The following AOPEP variants were observed in gnomAD, a reference collection of about 807,000 sequenced individuals.
The protein encoded by AOPEP is aminopeptidase O (putative), also known as aminopeptidase O.
A neutral mutation model predicts 98.1 loss-of-function variants in AOPEP; 77 were observed. The observed-to-expected ratio is 0.78, with a 90% CI of 0.65 to 0.95. AOPEP has a LOEUF of 0.95. Ranked by LOEUF, AOPEP falls within the 40% of genes least tolerant of loss-of-function variation. AOPEP has a pLI of 0.00. For missense variants in AOPEP, 1,024 were observed against 1,024.7 expected (o/e 1.00, Z 0.01); for synonymous variants, 346 against 365.3 (o/e 0.95, Z 0.60).
At chr9:95,123,448 C>T in the AOPEP span, 5 of 459,732 alleles carry the variant, frequency 1.1e-5, no homozygotes, top group South Asian at 4.7e-5. Context: ...GAGACCAGCC[C>T]GGGCAACATG....
intron 5 of AOPEP, chr9:94,904,104 A>C (rs1057050900): frequency 6.6e-6 from 1 of 152,116 alleles, no homozygotes; most frequent in Non-Finnish European, 1.5e-5. Context: ...CCTTTGCTGC[A>C]TCTGCATTTG....
intron 5 of AOPEP, among the ~76,000 whole-genome samples, chr9:94,911,899 A>G (rs1487957619): frequency 6.6e-6 from 1 of 152,144 alleles, no homozygotes; most frequent in African/African-American, 2.4e-5. Flanking sequence ...ACATCTTAGC[A>G]TACAGCTTGT....
At chr9:95,112,962 A>C in the AOPEP span, among the ~76,000 whole-genome samples, 1 of 152,210 alleles carries the variant, frequency 6.6e-6, no homozygotes, top group Non-Finnish European at 1.5e-5. Flanking sequence ...GGTAGAGAGA[A>C]GAGAAAAACA....
chr9:94,948,547 C>A (rs2057860662), intron 7 of AOPEP, among the ~76,000 whole-genome samples: 1 of 152,124 alleles, frequency 6.6e-6, no homozygotes. Context: ...CTACCTCCTT[C>A]AGCTTCTTTC....
the AOPEP span, chr9:95,107,153 A>G: frequency 1.2e-6 from 2 of 1,614,102 alleles, no homozygotes; most frequent in Admixed American, 1.7e-5. Flanking sequence ...GCTGTTGTGC[A>G]GGAGCTCTGA....
the AOPEP span, chr9:95,111,381 C>T: frequency 3.1e-6 from 5 of 1,597,554 alleles, no homozygotes; most frequent in African/African-American, 1.3e-5. Flanking sequence ...GAAGCCAAGC[C>T]CACAACAGAG....
chr9:94,956,025 G>T lies in AOPEP; in HGVS notation c.1872+10G>T. ...GCTGATTCTTTCCCAGGTAACTTAT[G>T]GGTCCTCATGAGTCCATGATGTATG... On this transcript the variant is annotated intron_variant, in intron 9 of 16. Coordinates refer to ENST00000375315, the MANE Select transcript of AOPEP (RefSeq NM_001193329.3). The T allele has an allele frequency of 6.5e-7, 1 of 1,534,344 alleles. No individual in the cohort carries two copies. The highest frequency in any genetic ancestry group is 1.1e-5 in the South Asian group (1 of 89,144).
At chr9:94,931,927 A>G (rs760266532) in intron 7 of AOPEP, 72 of 1,142,880 alleles carry the variant, frequency 6.3e-5, no homozygotes, top group Admixed American at 4.4e-4. Context: ...CTCCACTTCA[A>G]TAGCCCAAGG....
intron 14 of AOPEP, among the ~76,000 whole-genome samples, chr9:95,076,681 G>A (rs1453040205): frequency 6.6e-6 from 1 of 152,260 alleles, no homozygotes; most frequent in East Asian, 1.9e-4. Context: ...TTGTGTGTGT[G>A]TAAAACACAC....
chr9:95,009,194 A>G (rs2062285062), intron 13 of AOPEP, among the ~76,000 whole-genome samples: 1 of 152,146 alleles, frequency 6.6e-6, no homozygotes, highest in Non-Finnish European at 1.5e-5. Context: ...GTTTTGGAAG[A>G]GGAATGCACT....
chr9:94,999,382 A>G (rs1457106592), intron 11 of AOPEP, among the ~76,000 whole-genome samples: 1 of 152,242 alleles, frequency 6.6e-6, no homozygotes, highest in African/African-American at 2.4e-5. Flanking sequence ...CAGAACTCCA[A>G]GCTTTCTAGA....
At chr9:95,064,545 T>G (rs1007591264) in intron 14 of AOPEP, among the ~76,000 whole-genome samples, 5 of 152,236 alleles carry the variant, frequency 3.3e-5, no homozygotes, top group African/African-American at 1.2e-4. Flanking sequence ...TGCCTTGGCT[T>G]CCCAAAGTGC....
rs377625161 is a variant in AOPEP at position 95,085,591 on chromosome 9, G to C, written c.*5-1091G>C. ...CGCTGGGGCAGAGGCCGTTGCTGAC[G>C]GGCCGGCCGCTGCTGCACAGTCAGC... On this transcript the variant is annotated intron_variant, in intron 16 of 16. Transcript: ENST00000375315. 7.0e-6 allele frequency: 3 copies of C among 430,996 alleles called. 1 individual carries two copies. The highest frequency in any genetic ancestry group is 1.5e-3 in the Middle Eastern group (2 of 1,338). 26.7% of individuals were successfully genotyped at this position (430,996 alleles called of 1,614,324 possible).
At chr9:95,120,502 C>T in the AOPEP span, among the ~76,000 whole-genome samples, 39 of 151,978 alleles carry the variant, frequency 2.6e-4, no homozygotes, top group South Asian at 5.2e-3. Flanking sequence ...GCAGCCTCCA[C>T]GTTCTGGGCT....
At chr9:94,786,721 A>T (rs1012401029) in intron 3 of AOPEP, among the ~76,000 whole-genome samples, 3 of 152,216 alleles carry the variant, frequency 2.0e-5, no homozygotes, top group African/African-American at 7.2e-5. Context: ...TCTCCAGAGC[A>T]CTAGCAGCGC....
At chr9:95,052,606 C>T (rs1191014382) in intron 13 of AOPEP, among the ~76,000 whole-genome samples, 3 of 152,076 alleles carry the variant, frequency 2.0e-5, no homozygotes, top group Non-Finnish European at 4.4e-5. Flanking sequence ...AAACATTTAA[C>T]CAAAGAAGAA....
chr9:95,093,732 A>C, the AOPEP span, among the ~76,000 whole-genome samples: 1 of 152,188 alleles, frequency 6.6e-6, no homozygotes, highest in African/African-American at 2.4e-5. Context: ...CACAGTGTTC[A>C]CACGGGTCTA....
chr9:95,023,209 A>T (rs2063593788), intron 13 of AOPEP, among the ~76,000 whole-genome samples: 1 of 152,134 alleles, frequency 6.6e-6, no homozygotes, highest in Non-Finnish European at 1.5e-5. Context: ...ACTTAAAGTC[A>T]TTTGTTATCT....
chr9:94,913,176 G>C (rs1240123336), intron 5 of AOPEP, among the ~76,000 whole-genome samples: 2 of 152,214 alleles, frequency 1.3e-5, no homozygotes, highest in African/African-American at 4.8e-5. Context: ...GAACCATCCA[G>C]AGAAATGGGA....
Sources: allele counts gnomAD v4.1 joint callset (sites outside exome capture counted in the v4.1 genomes callset), GRCh38; gene constraint gnomAD v4.1.1; transcripts MANE v1.5; gene names NCBI Gene and HGNC (gene_info 2026-07-23, HGNC 2026-07-21).